The following METAP1 variants were observed in gnomAD, a reference collection of about 807,000 sequenced individuals.
METAP1 encodes the protein methionine aminopeptidase 1.
Under a neutral mutation model 53.8 loss-of-function variants are expected in METAP1, and 28 were observed. The ratio of observed to expected loss-of-function variants is 0.52; its 90% CI spans 0.39 to 0.71. The LOEUF (loss-of-function observed/expected upper bound fraction) is 0.71, where lower values mean the gene tolerates loss of function less well. Ranked by LOEUF, METAP1 falls within the 30% of genes least tolerant of loss-of-function variation. The probability of loss-of-function intolerance (pLI) is 0.00; values close to 1 mark genes in which losing one functional copy is unlikely to be tolerated. For synonymous variants in METAP1, 181 were observed against 165.7 expected, an observed-to-expected ratio of 1.09 and a Z score of -0.71; for missense variants, 389 against 479.8, an observed-to-expected ratio of 0.81 and a Z score of 1.77.
In METAP1 at chr4:99,001,491, G is replaced by A. The variant is rs182551900; in HGVS notation, c.114+5624G>A. 1.5e-3 allele frequency among the ~76,000 whole-genome samples: 234 copies of A among 152,262 alleles called. 2 individuals are homozygous for A. Among genetic ancestry groups the A allele is most frequent in the African/African-American group, 5.5e-3 (229 of 41,556 alleles). On this transcript the variant is annotated intron_variant, in intron 1 of 10. Transcript: ENST00000296411. ...CGTATTTATTCATGTGCACACAGTT[G>A]TGTATGTTTTTACAAAAATGGCAAC...
Position 99,048,830 on chromosome 4 carries a change from A to C in METAP1, c.885A>C (p.Gly295=). Residue 295 remains glycine (G), a synonymous_variant, in exon 9 of 11, where the codon GGA becomes GGC. Coordinates refer to ENST00000296411, the MANE Select transcript of METAP1 (RefSeq NM_015143.3). ...FSVVRSYCGH[G]IHKLFHTAPN... ...TTGTTCGAAGCTATTGTGGGCATGGAATCCACAAGCTTTTTCATACAGCTC... is the reference window on the plus strand; with the variant it reads ...TTGTTCGAAGCTATTGTGGGCATGGCATCCACAAGCTTTTTCATACAGCTC... 1 of 1,614,028 alleles carries C rather than the reference A, an allele frequency of 6.2e-7. No homozygotes were observed. The highest frequency in any genetic ancestry group is 8.5e-7 in the Non-Finnish European group (1 of 1,179,880).
chr4:99,022,817 G>C, intron 1 of METAP1: 1 of 1,589,720 alleles, frequency 6.3e-7, no homozygotes, highest in South Asian at 1.1e-5. Flanking sequence ...CCATCCCTCT[G>C]TGTAGTCCTT....
At chr4:98,999,169 C>CT (rs1380823960) in intron 1 of METAP1, among the ~76,000 whole-genome samples, 3 of 152,080 alleles carry the variant, frequency 2.0e-5, no homozygotes, top group Non-Finnish European at 4.4e-5. Context: ...GTTCACTGCC[C>CT]TGTTCTCATT....
At chr4:99,030,864 T>A (rs1724961499) in intron 2 of METAP1, among the ~76,000 whole-genome samples, 1 of 151,948 alleles carries the variant, frequency 6.6e-6, no homozygotes, top group Admixed American at 6.6e-5. Flanking sequence ...GCTTTTAATA[T>A]ATTTGACTGG....
intron 9 of METAP1, among the ~76,000 whole-genome samples, chr4:99,049,166 C>G (rs1172772221): frequency 7.9e-5 from 12 of 152,098 alleles, no homozygotes; most frequent in Admixed American, 7.9e-4. Flanking sequence ...AGTTGCCCTC[C>G]TGGTCAGTAG....
intron 1 of METAP1, among the ~76,000 whole-genome samples, chr4:99,011,097 C>T (rs1723444398): frequency 1.3e-5 from 2 of 151,604 alleles, no homozygotes; most frequent in Admixed American, 6.6e-5. Flanking sequence ...ATCATGTCAT[C>T]TGTGAACAGA....
At chr4:99,049,102 T>A (rs1465256735) in intron 9 of METAP1, among the ~76,000 whole-genome samples, 1 of 152,220 alleles carries the variant, frequency 6.6e-6, no homozygotes. Context: ...GGGCAGTTAC[T>A]ATGTGACACA....
At chr4:99,041,217 C>CT in intron 6 of METAP1, 91 bp downstream of exon 6, 2 of 848,656 alleles carry the variant, frequency 2.4e-6, no homozygotes, top group Non-Finnish European at 3.5e-6. Context: ...TTCTGAGTGT[C>CT]TAAGGTAACT....
intron 4 of METAP1, 67 bp downstream of exon 4, chr4:99,035,527 G>T (rs1247292121): frequency 5.8e-6 from 7 of 1,214,578 alleles, no homozygotes; most frequent in South Asian, 1.3e-5. Flanking sequence ...CAAAGGGAAG[G>T]AATGCTTTTC....
At chr4:99,019,836 T>C in intron 1 of METAP1, among the ~76,000 whole-genome samples, 1 of 152,248 alleles carries the variant, frequency 6.6e-6, no homozygotes, top group East Asian at 1.9e-4. Context: ...CTTGTCCTAG[T>C]GGACTGTCAG....
chr4:99,057,869 T>C, intron 10 of METAP1, 51 bp downstream of exon 10: 4 of 1,471,406 alleles, frequency 2.7e-6, no homozygotes, highest in Non-Finnish European at 2.8e-6. Context: ...ATATGTATTT[T>C]AGGTAATTCA....
Position 98,998,528 on chromosome 4 carries a change from A to C in METAP1, c.114+2661A>C, listed in dbSNP as rs192717043. Among the ~76,000 whole-genome samples the C allele has an allele frequency of 5.0e-3, 714 of 141,826 alleles. 5 individuals carry two copies. Among genetic ancestry groups the C allele is most frequent in the African/African-American group, 0.017 (683 of 40,830 alleles). 93.0% of individuals were successfully genotyped at this position (141,826 alleles called of 152,430 possible). On this transcript the variant is annotated intron_variant, in intron 1 of 10. Transcript: ENST00000296411. ...ACAGAGCAAGACTCCGTCTCAAGAA[A>C]AAAACAAAAACAAAACAAAACAAAA...
chr4:99,022,123 G>A (rs998743387), intron 1 of METAP1, among the ~76,000 whole-genome samples: 38 of 152,296 alleles, frequency 2.5e-4, no homozygotes, highest in African/African-American at 9.1e-4. Context: ...GTATGAATTA[G>A]CCAGGCATAT....
At chr4:99,060,790 ACATATT>A (rs1349943671) in intron 10 of METAP1, among the ~76,000 whole-genome samples, 1 of 152,198 alleles carries the variant, frequency 6.6e-6, no homozygotes, top group Non-Finnish European at 1.5e-5. Context: ...CAATTATTGT[ACATATT>A]CATAGGGTAC....
At chr4:98,998,221 C>G (rs1171977935) in intron 1 of METAP1, among the ~76,000 whole-genome samples, 1 of 152,188 alleles carries the variant, frequency 6.6e-6, no homozygotes, top group African/African-American at 2.4e-5. Flanking sequence ...CTTTATACAT[C>G]TGTGATGAAA....
In METAP1 at chr4:99,032,792, T is replaced by C. The variant is rs531045226; in HGVS notation, c.167-1438T>C. On this transcript the variant is annotated intron_variant, in intron 2 of 10. Coordinates refer to ENST00000296411, the MANE Select transcript of METAP1 (RefSeq NM_015143.3). ...CCCCATTTTGAACTGTTTTCTGTCATGTTTGACCCAACTAGCAGTGAATGA... is the reference window on the plus strand; with the variant it reads ...CCCCATTTTGAACTGTTTTCTGTCACGTTTGACCCAACTAGCAGTGAATGA... 3.9e-4 allele frequency among the ~76,000 whole-genome samples: 59 copies of C among 152,336 alleles called. 3 individuals carry two copies. The South Asian group carries it at 0.012, about 32-fold the overall frequency.
intron 10 of METAP1, among the ~76,000 whole-genome samples, chr4:99,059,689 T>A (rs1282304006): frequency 6.6e-6 from 1 of 152,140 alleles, no homozygotes; most frequent in Non-Finnish European, 1.5e-5. Context: ...CTTCACATTC[T>A]CTTGGGCCTT....
chr4:99,049,014 T>C, intron 9 of METAP1, 138 bp downstream of exon 9: 1 of 1,113,854 alleles, frequency 9.0e-7, no homozygotes, highest in Non-Finnish European at 1.3e-6. Flanking sequence ...AAAATGTGTA[T>C]TTGCTGAAAC....
chr4:99,032,902 G>A (rs1395804007), intron 2 of METAP1, among the ~76,000 whole-genome samples: 4 of 152,190 alleles, frequency 2.6e-5, no homozygotes, highest in African/African-American at 9.7e-5. Flanking sequence ...AGGGGAGAAA[G>A]ATATTTTAAA....
Sources: gnomAD v4.1 joint callset for allele counts (sites outside exome capture counted in the v4.1 genomes callset) on GRCh38, gnomAD v4.1.1 for gene constraint, MANE v1.5 for transcripts, NCBI Gene and HGNC (gene_info 2026-07-23, HGNC 2026-07-21) for gene names.